ATL2: variants seen among roughly 807,000 people sequenced by gnomAD.
ATL2 encodes the protein atlastin GTPase 2, also known as atlastin-2.
A neutral mutation model predicts 73.9 loss-of-function variants in ATL2; 31 were observed. That is an observed-to-expected ratio of 0.42 (90% CI 0.32 to 0.57). The LOEUF (loss-of-function observed/expected upper bound fraction) is 0.57. Ranked by LOEUF, ATL2 falls within the 20% of genes least tolerant of loss-of-function variation. The probability of loss-of-function intolerance (pLI) is 0.14; values close to 1 mark genes in which losing one functional copy is unlikely to be tolerated. For synonymous variants in ATL2, 291 were observed against 237.5 expected (o/e 1.23, Z -2.07); for missense variants, 738 against 702.6 (o/e 1.05, Z -0.57).
intron 12 of ATL2, 105 bp downstream of exon 12, chr2:38,298,039 G>T: frequency 9.7e-7 from 1 of 1,026,146 alleles, no homozygotes; most frequent in Non-Finnish European, 1.4e-6. Context: ...ACATCCTTTT[G>T]ACATTCCTCA....
At chr2:38,352,388 A>G (rs1443678983) in intron 1 of ATL2, among the ~76,000 whole-genome samples, 1 of 152,164 alleles carries the variant, frequency 6.6e-6, no homozygotes, top group Non-Finnish European at 1.5e-5. Context: ...GCACAAGGAC[A>G]CTTTCAAGGT....
At chr2:38,349,889 A>G (rs1434451102) in intron 1 of ATL2, among the ~76,000 whole-genome samples, 1 of 152,204 alleles carries the variant, frequency 6.6e-6, no homozygotes, top group African/African-American at 2.4e-5. Context: ...ATAGATTTCA[A>G]AAGTATAATG....
At chr2:38,357,758 C>T (rs1670763501) in intron 1 of ATL2, among the ~76,000 whole-genome samples, 1 of 150,688 alleles carries the variant, frequency 6.6e-6, no homozygotes, top group Admixed American at 6.6e-5. Flanking sequence ...CATACATATA[C>T]ACCCTAGAAT....
intron 7 of ATL2, among the ~76,000 whole-genome samples, chr2:38,311,611 T>C (rs1161522488): frequency 2.0e-5 from 3 of 152,200 alleles, no homozygotes; most frequent in Non-Finnish European, 2.9e-5. Flanking sequence ...AAATACATTC[T>C]GTATGTGATT....
chr2:38,316,668 T>C (rs1668040820), intron 4 of ATL2, among the ~76,000 whole-genome samples: 1 of 152,190 alleles, frequency 6.6e-6, no homozygotes, highest in African/African-American at 2.4e-5. Flanking sequence ...TTAGCTCTCA[T>C]TTCTGACTGC....
intron 1 of ATL2, among the ~76,000 whole-genome samples, chr2:38,364,189 G>C (rs1671172088): frequency 6.6e-6 from 1 of 152,174 alleles, no homozygotes; most frequent in African/African-American, 2.4e-5. Flanking sequence ...TTGAACCCGG[G>C]AGGCAGAGGT....
Position 38,298,754 on chromosome 2 carries a change from C to T in ATL2, c.1201-179G>A, listed in dbSNP as rs2148400643. On this transcript the variant is annotated intron_variant, in intron 11 of 12. Transcript: ENST00000378954. ...AGTTATTGTTTATATGTTGAACCTA[C>T]TCAAGCAAAATCATTTTCCAAATAT... Among the ~76,000 whole-genome samples, 3 of 152,250 alleles carry T rather than the reference C, an allele frequency of 2.0e-5. No individual in the cohort carries two copies. The East Asian group carries it at 5.8e-4, about 29-fold the overall frequency.
intron 1 of ATL2, among the ~76,000 whole-genome samples, chr2:38,374,435 G>A (rs897544537): frequency 6.6e-6 from 1 of 152,158 alleles, no homozygotes; most frequent in Non-Finnish European, 1.5e-5. Flanking sequence ...ACCATTACAC[G>A]TTAAAAACAA....
At position 38,299,279 on chromosome 2, in the gene ATL2, T is replaced by G; in HGVS notation, c.1177A>C (p.Thr393Pro). 1 of 1,519,974 alleles carries G rather than the reference T, an allele frequency of 6.6e-7. No homozygotes were observed. Among genetic ancestry groups the G allele is most frequent in the Non-Finnish European group, 8.7e-7 (1 of 1,145,334 alleles). The allele number at this position is 1,519,974 out of a possible 1,614,324, so 94.2% of individuals were successfully genotyped here. A position where few individuals can be genotyped will look rare whatever the true frequency, so the allele number is the denominator to read the frequency against. ...NLAAVAGARD[T>P]YCKSMEQVCG... ...ACCTGTTCCATACTTTTACAATAGG[T>G]ATCTCTTGCTCCTGCTACTGCAGCA... The change falls in exon 11 of 13, where the codon ACC becomes CCC. Residue 393 changes from threonine to proline, a missense_variant. Coordinates refer to ENST00000378954, the MANE Select transcript of ATL2 (RefSeq NM_001135673.4).
At chr2:38,334,559 G>A (rs11886307) in intron 2 of ATL2, among the ~76,000 whole-genome samples, 37,968 of 150,896 alleles carry the variant, frequency 0.25, 4,856 homozygotes, top group South Asian at 0.36. Context: ...TTAGCCGGGC[G>A]TAGTGGTGCA....
At chr2:38,319,341 G>C (rs1437115222) in intron 2 of ATL2, among the ~76,000 whole-genome samples, 1 of 152,184 alleles carries the variant, frequency 6.6e-6, no homozygotes, top group African/African-American at 2.4e-5. Context: ...GCTCATGCCT[G>C]TAATCCCAGC....
intron 12 of ATL2, chr2:38,296,493 T>C: frequency 1.2e-6 from 2 of 1,612,438 alleles, no homozygotes; most frequent in Non-Finnish European, 1.7e-6. Context: ...CTAATTTTTC[T>C]TCTTGTTATT....
Position 38,310,364 on chromosome 2 carries a change from C to A in ATL2, c.888G>T (p.Leu296Phe). ...NCFSNLGCFLLPHPGLKVATN... is the reference protein window; with the variant it reads ...NCFSNLGCFLFPHPGLKVATN... ...TTGCAACTTTAAGACCAGGATGTGG[C>A]AAAAGGAAGCAACCAAGATTTGAGA... The change falls in exon 8 of 13, where the codon TTG becomes TTT. Residue 296 changes from leucine (L) to phenylalanine (F), a missense_variant. Transcript: ENST00000378954. 1 of 1,610,164 alleles carries A rather than the reference C, an allele frequency of 6.2e-7. No individual in the cohort carries two copies. Among genetic ancestry groups the A allele is most frequent in the Non-Finnish European group, 8.5e-7 (1 of 1,178,510 alleles).
intron 2 of ATL2, among the ~76,000 whole-genome samples, chr2:38,327,218 AAAGAGT>A (rs1354600304): frequency 9.9e-5 from 15 of 152,246 alleles, no homozygotes; most frequent in Admixed American, 5.9e-4. Context: ...ACATAAAGAG[AAAGAGT>A]ATCAGAGAAG....
intron 1 of ATL2, among the ~76,000 whole-genome samples, chr2:38,365,650 G>C (rs190404062): frequency 1.8e-3 from 275 of 148,822 alleles, no homozygotes; most frequent in Non-Finnish European, 3.4e-3. Flanking sequence ...AATTAGCCAG[G>C]CGTGAGGGCG....
intron 1 of ATL2, among the ~76,000 whole-genome samples, chr2:38,363,223 T>C (rs1040345862): frequency 6.6e-6 from 1 of 152,176 alleles, no homozygotes; most frequent in African/African-American, 2.4e-5. Flanking sequence ...TCAAAATGCA[T>C]CATCCTCCAA....
intron 2 of ATL2, among the ~76,000 whole-genome samples, chr2:38,330,754 T>C (rs1303809029): frequency 6.6e-6 from 1 of 152,220 alleles, no homozygotes; most frequent in African/African-American, 2.4e-5. Context: ...AAATATCCCA[T>C]ATTCATGGAC....
rs373444554 is a variant in ATL2 at position 38,298,369 on chromosome 2, G to A, written c.1407C>T (p.Phe469=). 1 of 1,614,168 alleles carries A rather than the reference G, an allele frequency of 6.2e-7. No homozygotes were observed. The highest frequency in any genetic ancestry group is 8.5e-7 in the Non-Finnish European group (1 of 1,180,008). ...FIKHNDGKNI[F]YAARTPATLF... The stretch of plus-strand genomic sequence containing the variant: ...GTGTGGCTGGGGTACGAGCAGCATA[G>A]AAGATATTTTTGCCATCATTGTGCT... Residue 469 remains phenylalanine, a synonymous_variant, in exon 12 of 13, where the codon TTC becomes TTT. Transcript: ENST00000378954.
chr2:38,309,042 T>G (rs1160717456), intron 9 of ATL2, among the ~76,000 whole-genome samples: 1 of 152,206 alleles, frequency 6.6e-6, no homozygotes, highest in East Asian at 1.9e-4. Flanking sequence ...TTGTGAGAAC[T>G]TAGGATGTAA....
Sources: allele counts gnomAD v4.1 joint callset (sites outside exome capture counted in the v4.1 genomes callset), GRCh38; gene constraint gnomAD v4.1.1; transcripts MANE v1.5; gene names NCBI Gene and HGNC (gene_info 2026-07-23, HGNC 2026-07-21).